Variants in GPC6 observed in about 807,000 individuals in gnomAD.
GPC6 encodes the protein glypican 6, also known as glypican-6.
A neutral mutation model predicts 55.2 loss-of-function variants in GPC6; 14 were observed. The ratio of observed to expected loss-of-function variants is 0.25; its 90% confidence interval spans 0.17 to 0.40. The LOEUF is 0.40. GPC6 is among the 10% of genes least tolerant of loss of function. The pLI is 1.00. For synonymous variants in GPC6, 278 were observed against 259.6 expected, an observed-to-expected ratio of 1.07 and a Z score of -0.68; for missense variants, 641 against 708.5, an observed-to-expected ratio of 0.90 and a Z score of 1.08.
intron 2 of GPC6, among the ~76,000 whole-genome samples, chr13:93,583,686 G>T (rs966721436): frequency 9.2e-5 from 14 of 152,206 alleles, no homozygotes; most frequent in African/African-American, 2.7e-4. Context: ...AAAGTGCTGG[G>T]ATTACATGCG....
intron 2 of GPC6, among the ~76,000 whole-genome samples, chr13:93,761,899 T>G (rs1884966799): frequency 6.6e-6 from 1 of 152,150 alleles, no homozygotes; most frequent in African/African-American, 2.4e-5. Flanking sequence ...TCTTTTAGCT[T>G]TTTGGAAATA....
chr13:94,066,730 C>G (rs1884530360), intron 4 of GPC6, among the ~76,000 whole-genome samples: 1 of 152,170 alleles, frequency 6.6e-6, no homozygotes, highest in Non-Finnish European at 1.5e-5. Context: ...ATTGTTAACT[C>G]TGAGAATCCA....
Position 93,659,888 on chromosome 13 carries a change from A to G in GPC6, c.319+114467A>G, listed in dbSNP as rs910158547. ...AACCTCAAAGCAATTTTGACAGTAA[A>G]AAAGGAAATATATATATGTGTGTGT... On this transcript the variant is annotated intron_variant, in intron 2 of 8. Transcript: ENST00000377047. Among the ~76,000 whole-genome samples, 7 of 152,068 alleles carry G rather than the reference A, an allele frequency of 4.6e-5. No homozygotes were observed. In the East Asian group the frequency reaches 1.3e-3, roughly 29 times the overall value.
chr13:93,702,029 G>T (rs1252555339), intron 2 of GPC6, among the ~76,000 whole-genome samples: 1 of 152,030 alleles, frequency 6.6e-6, no homozygotes, highest in Non-Finnish European at 1.5e-5. Flanking sequence ...GCATCCAGAA[G>T]AGTGAACTCT....
chr13:93,966,452 G>A (rs1030481695), intron 3 of GPC6, among the ~76,000 whole-genome samples: 7 of 152,114 alleles, frequency 4.6e-5, no homozygotes, highest in Admixed American at 2.6e-4. Context: ...CACCTCTGTT[G>A]GGTAACTCAC....
chr13:93,359,351 C>G (rs1217011274), intron 1 of GPC6, among the ~76,000 whole-genome samples: 2 of 152,132 alleles, frequency 1.3e-5, no homozygotes, highest in East Asian at 3.8e-4. Flanking sequence ...ATTCTACTAG[C>G]TCTGTTACCT....
rs1292015121 is a variant in GPC6, at chr13:93,830,196, A to G, written c.362A>G (p.Asn121Ser). The change falls in exon 3 of 9, where the codon AAT (asparagine) becomes AGT (serine). Residue 121 changes from asparagine to serine, a missense_variant. Asn to Ser is a conservative substitution (Grantham distance 46, BLOSUM62 1). Transcript: ENST00000377047. ...ELLENAEKSL[N>S]DMFVRTYGML... The stretch of plus-strand genomic sequence containing the variant: ...CTGGAGAATGCAGAAAAGTCACTAA[A>G]TGATATGTTTGTACGGACCTATGGC... 3 of 1,607,434 alleles carry G rather than the reference A, an allele frequency of 1.9e-6. No individual in the cohort carries two copies. The highest frequency in any genetic ancestry group is 1.3e-5 in the African/African-American group (1 of 74,572).
At chr13:93,249,476 C>T (rs1876713402) in intron 1 of GPC6, among the ~76,000 whole-genome samples, 1 of 152,130 alleles carries the variant, frequency 6.6e-6, no homozygotes, top group South Asian at 2.1e-4. Context: ...CTATGGGCTT[C>T]CTGCATAGGG....
At chr13:93,377,850 T>C (rs189143720) in intron 1 of GPC6, among the ~76,000 whole-genome samples, 1 of 152,332 alleles carries the variant, frequency 6.6e-6, no homozygotes, top group African/African-American at 2.4e-5. Context: ...AAGTCTATTC[T>C]TCAAAAGAAG....
chr13:93,345,006 G>T (rs1880381202), intron 1 of GPC6, among the ~76,000 whole-genome samples: 2 of 151,950 alleles, frequency 1.3e-5, no homozygotes, highest in South Asian at 4.2e-4. Flanking sequence ...ATTTTTATAT[G>T]CTTTAAAAAT....
chr13:93,992,442 GC>G (rs1881354045), intron 3 of GPC6, among the ~76,000 whole-genome samples: 1 of 152,064 alleles, frequency 6.6e-6, no homozygotes, highest in Non-Finnish European at 1.5e-5. Flanking sequence ...TATTATAGAG[GC>G]AGGGCTTTTA....
At chr13:94,365,595 C>T (rs1045856856) in intron 6 of GPC6, among the ~76,000 whole-genome samples, 7 of 152,076 alleles carry the variant, frequency 4.6e-5, no homozygotes, top group Admixed American at 1.3e-4. Flanking sequence ...TATGGCAATC[C>T]GTCTCTACCC....
At chr13:93,849,646 C>T (rs713220) in intron 3 of GPC6, among the ~76,000 whole-genome samples, 35,667 of 151,964 alleles carry the variant, frequency 0.23, 4,719 homozygotes, top group East Asian at 0.34. Flanking sequence ...GTTAATGGAG[C>T]AACTCTTCTT....
At chr13:93,899,978 G>A (rs1876255176) in intron 3 of GPC6, among the ~76,000 whole-genome samples, 1 of 152,116 alleles carries the variant, frequency 6.6e-6, no homozygotes, top group East Asian at 1.9e-4. Context: ...AAATCATATT[G>A]TCAAGTCTCT....
chr13:94,371,493 C>T (rs966739966), intron 6 of GPC6, among the ~76,000 whole-genome samples: 5 of 152,050 alleles, frequency 3.3e-5, no homozygotes, highest in African/African-American at 9.7e-5. Flanking sequence ...AGTTTTTTAG[C>T]CTTTCTAAGG....
At chr13:93,372,491 A>G (rs1205540041) in intron 1 of GPC6, among the ~76,000 whole-genome samples, 1 of 152,182 alleles carries the variant, frequency 6.6e-6, no homozygotes, top group African/African-American at 2.4e-5. Context: ...ATTCACTGCC[A>G]TCTAACCTCT....
chr13:93,883,604 T>C (rs1259643548), intron 3 of GPC6, among the ~76,000 whole-genome samples: 1 of 152,140 alleles, frequency 6.6e-6, no homozygotes, highest in Non-Finnish European at 1.5e-5. Flanking sequence ...TGTATCTTCT[T>C]TTGAGAATTG....
chr13:93,674,067 A>C (rs1320011824), intron 2 of GPC6, among the ~76,000 whole-genome samples: 2 of 152,098 alleles, frequency 1.3e-5, no homozygotes, highest in East Asian at 1.9e-4. Context: ...CAAGAAGCCA[A>C]GTGGAAAGAC....
At chr13:93,601,481 G>A (rs1356412053) in intron 2 of GPC6, among the ~76,000 whole-genome samples, 1 of 152,132 alleles carries the variant, frequency 6.6e-6, no homozygotes, top group African/African-American at 2.4e-5. Context: ...TAATCCATCA[G>A]TTAATGGATT....
Sources: gnomAD v4.1 joint callset for allele counts (sites outside exome capture counted in the v4.1 genomes callset) on GRCh38, gnomAD v4.1.1 for gene constraint, MANE v1.5 for transcripts, NCBI Gene and HGNC (gene_info 2026-07-23, HGNC 2026-07-21) for gene names.